The following MYH9 variants were observed in gnomAD, a reference collection of about 807,000 sequenced individuals.
The protein encoded by MYH9 is myosin-9.
Under a neutral mutation model 241.9 loss-of-function variants are expected in MYH9, and 29 were observed. The observed-to-expected ratio is 0.12, with a 90% CI of 0.09 to 0.16. The LOEUF is 0.16. Among genes scored for constraint, MYH9 ranks in the 10% least tolerant of loss-of-function variants. MYH9 has a pLI of 1.00. For synonymous variants in MYH9, 1,047 were observed against 1,062.6 expected (o/e 0.99, Z 0.29); for missense variants, 1,803 against 2,595.5 (o/e 0.69, Z 6.63).
At chr22:36,347,866 G>C (rs1170982978) in intron 2 of MYH9, among the ~76,000 whole-genome samples, 1 of 151,414 alleles carries the variant, frequency 6.6e-6, no homozygotes, top group Non-Finnish European at 1.5e-5. Flanking sequence ...GGGGCAAATG[G>C]TGAAGGGAGA....
chr22:36,375,774 G>A (rs763300500), intron 1 of MYH9, among the ~76,000 whole-genome samples: 1 of 152,132 alleles, frequency 6.6e-6, no homozygotes, highest in Non-Finnish European at 1.5e-5. Context: ...TATAATCCCG[G>A]CACATTGAGA....
Position 36,289,309 on chromosome 22 carries a change from G to C in MYH9, c.4345-12C>G, listed in dbSNP as rs767969389. 2 of 1,602,412 alleles carry C rather than the reference G, an allele frequency of 1.2e-6. No individual in the cohort carries two copies. Among genetic ancestry groups the C allele is most frequent in the Non-Finnish European group, 8.5e-7 (1 of 1,175,544 alleles). On this transcript the variant is annotated splice_polypyrimidine_tract_variant and intron_variant, in intron 31 of 40. Coordinates refer to ENST00000216181, the MANE Select transcript of MYH9 (RefSeq NM_002473.6). ...TCCTCCGCCAGGAGCTGGGAAAGAG[G>C]TGGGCACCATGAGGCTCAGAGCTAC...
At chr22:36,313,833 T>A (rs1000929591) in intron 13 of MYH9, among the ~76,000 whole-genome samples, 4 of 152,156 alleles carry the variant, frequency 2.6e-5, no homozygotes, top group African/African-American at 7.2e-5. Flanking sequence ...AGCCCAGCCT[T>A]CAGGAGGATG....
chr22:36,293,391 G>A lies in MYH9; in HGVS notation c.4033C>T (p.Leu1345=). Residue 1345 remains leucine, a synonymous_variant, in exon 30 of 41, where the codon CTG becomes TTG. Coordinates refer to ENST00000216181, the MANE Select transcript of MYH9 (RefSeq NM_002473.6). The surrounding 1 kb of genome is among the most constrained non-coding windows in gnomAD (Gnocchi z 5.1). ...TGCTTGGCCTCCTCCTCCTCCTCCA[G>A]CTGCTCCCGGAAGGAATTCTTCTCG... ...EDEKNSFREQ[L]EEEEEAKHNL... is the part of the protein sequence containing the mutation. 6.2e-7 allele frequency: 1 copy of A among 1,614,014 alleles called. No individual in the cohort carries two copies. The highest frequency in any genetic ancestry group is 8.5e-7 in the Non-Finnish European group (1 of 1,180,032).
rs1386247353 is a variant in MYH9, at chr22:36,322,446, C to T, written c.688G>A (p.Asp230Asn). The T allele has an allele frequency of 1.3e-5, 21 of 1,613,936 alleles. No individual in the cohort carries two copies. The highest frequency in any genetic ancestry group is 1.7e-5 in the Non-Finnish European group (20 of 1,179,988). Residue 230 changes from aspartate to asparagine, a missense_variant, in exon 6 of 41, where the codon GAC becomes AAC. Coordinates refer to ENST00000216181, the MANE Select transcript of MYH9 (RefSeq NM_002473.6). ...AFGNAKTVKN[D>N]NSSRFGKFIR... ...CTACTCACGAAGCGGGAGGAGTTGT[C>T]ATTCTTCACGGTCTTGGCGTTCCCG...
At position 36,296,836 on chromosome 22, in the gene MYH9, T is replaced by G. The variant is rs1603482970; in HGVS notation, c.3272+7A>C. On this transcript the variant is annotated splice_region_variant and intron_variant, in intron 25 of 40. Transcript: ENST00000216181. ...CCTGGCCTCAGGCGGGCAGGCGGGG[T>G]CCTCACCTGGCCAGGGCGGCCTGGA... 1 of 1,603,044 alleles carries G rather than the reference T, an allele frequency of 6.2e-7. No homozygotes were observed.
intron 1 of MYH9, among the ~76,000 whole-genome samples, chr22:36,350,582 T>G (rs1365492970): frequency 6.6e-6 from 1 of 152,244 alleles, no homozygotes; most frequent in African/African-American, 2.4e-5. Flanking sequence ...TCTGTATGGT[T>G]TTATAGTTTA....
At chr22:36,343,015 C>T (rs1411984572) in intron 2 of MYH9, among the ~76,000 whole-genome samples, 2 of 152,208 alleles carry the variant, frequency 1.3e-5, no homozygotes, top group Non-Finnish European at 2.9e-5. Context: ...GGACTGCATG[C>T]ACTACAGAGT....
rs761200576 is a variant in MYH9 at position 36,305,962 on chromosome 22, G to T, written c.2127C>A (p.Pro709=). The change falls in exon 17 of 41, where the codon CCC becomes CCA. Residue 709 remains proline (P), a synonymous_variant. Coordinates refer to ENST00000216181, the MANE Select transcript of MYH9 (RefSeq NM_002473.6). This position sits in a 1 kb window ranked among gnomAD's most constrained non-coding sequence, Gnocchi z 4.7. ...EGIRICRQGF[P]NRVVFQEFRQ... ...GAAACTCCTGGAAGACCACCCTGTT[G>T]GGGAAGCCCTGGCGGCAGATACGGA... 1.2e-6 allele frequency: 2 copies of T among 1,613,482 alleles called. No homozygotes were observed. The highest frequency in any genetic ancestry group is 1.7e-6 in the Non-Finnish European group (2 of 1,180,008).
chr22:36,373,522 T>C (rs1048526408), intron 1 of MYH9, among the ~76,000 whole-genome samples: 2 of 152,140 alleles, frequency 1.3e-5, no homozygotes, highest in Non-Finnish European at 2.9e-5. Flanking sequence ...GACAAAGTGG[T>C]TTTACCTGTT....
Position 36,349,263 on chromosome 22 carries a change from GGGA to G in MYH9, c.-19-11_-19-9del. 1 of 1,602,528 alleles carries G rather than the reference GGGA, an allele frequency of 6.2e-7. No individual in the cohort carries two copies. Among genetic ancestry groups the G allele is most frequent in the South Asian group, 1.1e-5 (1 of 90,560 alleles). On this transcript the variant is annotated splice_polypyrimidine_tract_variant and intron_variant, in intron 1 of 40. Coordinates refer to ENST00000216181, the MANE Select transcript of MYH9 (RefSeq NM_002473.6). ...GTGACTTATAGCCAGGACCTAAGCG[GGGA>G]GGAGAAGGACAACACATTACATACA...
intron 27 of MYH9, 125 bp from the exon 28 acceptor site, chr22:36,294,423 T>C: frequency 9.7e-7 from 1 of 1,033,572 alleles, no homozygotes; most frequent in Non-Finnish European, 1.4e-6. Flanking sequence ...TGTGCCTGCG[T>C]CCTGGACTCA....
intron 1 of MYH9, among the ~76,000 whole-genome samples, chr22:36,382,477 A>AT: frequency 6.6e-6 from 1 of 151,014 alleles, no homozygotes; most frequent in East Asian, 2.0e-4. Context: ...TCAGTCTCAA[A>AT]AAACAAAAAA....
In MYH9 at chr22:36,306,075, C is replaced by G. The variant is rs376734495; in HGVS notation, c.2038-24G>C. On this transcript the variant is annotated intron_variant, in intron 16 of 40. Transcript: ENST00000216181. The surrounding 1 kb of genome is among the most constrained non-coding windows in gnomAD (Gnocchi z 4.1). ...GCCTGGAGAAGAAAACACATGCATG[C>G]GGTCTCACTTCCGTGCCTAGAACAG... 11 of 1,611,924 alleles carry G rather than the reference C, an allele frequency of 6.8e-6. No homozygotes were observed. The highest frequency in any genetic ancestry group is 9.3e-6 in the Non-Finnish European group (11 of 1,179,934).
intron 1 of MYH9, among the ~76,000 whole-genome samples, chr22:36,353,395 C>T (rs2017803655): frequency 6.6e-6 from 1 of 152,098 alleles, no homozygotes; most frequent in Non-Finnish European, 1.5e-5. Flanking sequence ...GAGACTCACT[C>T]TGTTGCCCAG....
intron 24 of MYH9, among the ~76,000 whole-genome samples, chr22:36,298,434 T>C (rs2016822127): frequency 6.6e-6 from 1 of 152,202 alleles, no homozygotes; most frequent in South Asian, 2.1e-4. Context: ...GACTTTACGG[T>C]ACATATGTGT....
chr22:36,302,616 A>C lies in MYH9; in HGVS notation c.2451T>G (p.Ala817=). 1 of 1,613,680 alleles carries C rather than the reference A, an allele frequency of 6.2e-7. No homozygotes were observed. The highest frequency in any genetic ancestry group is 8.5e-7 in the Non-Finnish European group (1 of 1,179,980). Residue 817 remains alanine, a synonymous_variant, in exon 20 of 41, where the codon GCT becomes GCG. Transcript: ENST00000216181. Reference sequence around the variant, plus strand: ...GCCAGTTCCGCAGCTTCAGGTAGGCAGCGCAGTTCCGCTGGAGGACCTTCA... The same window carrying C: ...GCCAGTTCCGCAGCTTCAGGTAGGCCGCGCAGTTCCGCTGGAGGACCTTCA... ...TAMKVLQRNC[A]AYLKLRNWQW...
intron 3 of MYH9, among the ~76,000 whole-genome samples, chr22:36,332,200 C>A (rs2017431560): frequency 6.6e-6 from 1 of 152,258 alleles, no homozygotes; most frequent in African/African-American, 2.4e-5. Flanking sequence ...GGCCGCGACA[C>A]TCTCATGACG....
rs965859809 is a variant in MYH9, at chr22:36,306,886, C to T, written c.1844-279G>A. Among the ~76,000 whole-genome samples, 6 of 152,110 alleles carry T rather than the reference C, an allele frequency of 3.9e-5. No homozygotes were observed. The East Asian group carries it at 9.6e-4, about 24-fold the overall frequency. ...CCTGTCACCTATCTTCAGCCACTCTCGAAGCTCTTATTTCCAAAAAGACTC... is the reference window on the plus strand; with the variant it reads ...CCTGTCACCTATCTTCAGCCACTCTTGAAGCTCTTATTTCCAAAAAGACTC... On this transcript the variant is annotated intron_variant, in intron 15 of 40. Coordinates refer to ENST00000216181, the MANE Select transcript of MYH9 (RefSeq NM_002473.6). The surrounding 1 kb of genome is among the most constrained non-coding windows in gnomAD (Gnocchi z 4.1).
Sources: gnomAD v4.1 joint callset for allele counts (sites outside exome capture counted in the v4.1 genomes callset) on GRCh38, gnomAD v4.1.1 for gene constraint, Gnocchi (gnomAD v3.1) non-coding constraint, MANE v1.5 for transcripts, NCBI Gene and HGNC (gene_info 2026-07-23, HGNC 2026-07-21) for gene names.